Variants in PLEC observed in about 807,000 individuals in gnomAD.
The protein encoded by PLEC is hemidesmosomal protein 1.
A neutral mutation model predicts 392.8 loss-of-function variants in PLEC; 216 were observed. That is an observed-to-expected ratio of 0.55 (90% CI 0.49 to 0.62). The LOEUF (loss-of-function observed/expected upper bound fraction) is 0.62, where lower values mean the gene tolerates loss of function less well. Among genes scored for constraint, PLEC ranks in the 20% least tolerant of loss-of-function variants. The probability of loss-of-function intolerance (pLI) is 0.00; values close to 1 mark genes in which losing one functional copy is unlikely to be tolerated. For missense variants in PLEC, 6,863 were observed against 6,563.4 expected (o/e 1.05, Z -1.58); for synonymous variants, 3,621 against 2,980.6 (o/e 1.21, Z -7.00).
chr8:143,936,316 G>A (rs1396755227), intron 5 of PLEC, among the ~76,000 whole-genome samples: 2 of 152,190 alleles, frequency 1.3e-5, no homozygotes, highest in Admixed American at 6.5e-5. Flanking sequence ...AGCTGGGGAG[G>A]GCTAGGCTGC....
Position 143,916,205 on chromosome 8 carries a change from A to G in PLEC, c.13616T>C (p.Leu4539Pro). The change falls in exon 32 of 32, where the codon CTG (leucine) becomes CCG (proline). Residue 4539 changes from leucine (L) to proline (P), a missense_variant. Leu to Pro is a moderately conservative substitution (Grantham distance 98). Coordinates refer to ENST00000345136, the MANE Select transcript of PLEC (RefSeq NM_201384.3). ...RRYASGSSAS[L>P]GGPESAVA ...GGCCACGGCAGACTCAGGGCCCCCC[A>G]GGGAGGCCGAGGACCCCGAGGCGTA... 1.3e-6 allele frequency: 2 copies of G among 1,543,896 alleles called. No individual in the cohort carries two copies. Among genetic ancestry groups the G allele is most frequent in the Non-Finnish European group, 1.7e-6 (2 of 1,144,560 alleles).
Position 143,921,430 on chromosome 8 carries a change from G to A in PLEC, c.8391C>T (p.Ile2797=), listed in dbSNP as rs200289312. 2.0e-4 allele frequency: 330 copies of A among 1,613,252 alleles called. No individual in the cohort carries two copies. The highest frequency in any genetic ancestry group is 2.8e-4 in the African/African-American group (21 of 74,914). ...SLFQAMQKGL[I]VREHGIRLLE... ...GCAGGCGGATGCCGTGCTCCCGGAC[G>A]ATGAGGCCCTTCTGCATGGCTTGGA... The change falls in exon 32 of 32, where the codon ATC becomes ATT. Residue 2797 remains isoleucine (I), a synonymous_variant. Transcript: ENST00000345136.
In PLEC at chr8:143,920,300, G is replaced by A. The variant is rs1554681328; in HGVS notation, c.9521C>T (p.Pro3174Leu). ...DEETSRALSA[P>L]RADAKAYSDP... ...ACTGTAGGCCTTGGCGTCGGCCCTT[G>A]GTGCCGACAGGGCCCTGCTGGTCTC... is the stretch of plus-strand genomic sequence containing the variant. Residue 3174 changes from proline to leucine, a missense_variant, in exon 32 of 32, where the codon CCA becomes CTA. Pro to Leu is a moderately conservative substitution (Grantham distance 98, BLOSUM62 -3). Transcript: ENST00000345136. The A allele has an allele frequency of 6.3e-7, 1 of 1,590,314 alleles. No individual in the cohort carries two copies. Among genetic ancestry groups the A allele is most frequent in the Non-Finnish European group, 8.5e-7 (1 of 1,174,442 alleles).
Position 143,922,849 on chromosome 8 carries a change from C to T in PLEC, c.7080G>A (p.Glu2360=), listed in dbSNP as rs1823352213. 6.3e-7 allele frequency: 1 copy of T among 1,580,096 alleles called. No homozygotes were observed. Among genetic ancestry groups the T allele is most frequent in the Non-Finnish European group, 8.6e-7 (1 of 1,164,924 alleles). ...CCAGCGTCCGCTGGAAGCCCTGCGT[C>T]TCCTCCGCCAGCTGCTGCGCCATCT... ...KEQMAQQLAE[E]TQGFQRTLEA... is the part of the protein sequence containing the mutation. Residue 2360 remains glutamate, a synonymous_variant, in exon 31 of 32, where the codon GAG becomes GAA. Coordinates refer to ENST00000345136, the MANE Select transcript of PLEC (RefSeq NM_201384.3).
Position 143,923,979 on chromosome 8 carries a change from G to A in PLEC, c.5950C>T (p.Arg1984Cys), listed in dbSNP as rs376591955. The A allele has an allele frequency of 7.7e-5, 122 of 1,583,596 alleles. No individual in the cohort carries two copies. The highest frequency in any genetic ancestry group is 1.9e-4 in the Admixed American group (11 of 58,844). Residue 1984 changes from arginine to cysteine, a missense_variant, in exon 31 of 32, where the codon CGT (arginine) becomes TGT (cysteine). By Grantham distance (180) the Arg-to-Cys change is radical. Coordinates refer to ENST00000345136, the MANE Select transcript of PLEC (RefSeq NM_201384.3). The stretch of plus-strand genomic sequence containing the variant: ...TTCTGCACGCGCTCCTCAGCCTCAC[G>A]GCGCCGCCGCTCCTCCTCCGCCGCC... The part of the protein sequence containing the change: ...QLAAEEERRR[R>C]EAEERVQKSL...
rs1554717917 is a variant in PLEC at position 143,932,702 on chromosome 8, G to A, written c.1748C>T (p.Ser583Phe). 9 of 1,607,064 alleles carry A rather than the reference G, an allele frequency of 5.6e-6. No individual in the cohort carries two copies. Among genetic ancestry groups the A allele is most frequent in the Non-Finnish European group, 6.8e-6 (8 of 1,177,436 alleles). The change falls in exon 15 of 32, where the codon TCC (serine) becomes TTC (phenylalanine). Residue 583 changes from serine to phenylalanine, a missense_variant. Coordinates refer to ENST00000345136, the MANE Select transcript of PLEC (RefSeq NM_201384.3). The stretch of plus-strand genomic sequence containing the variant: ...ACGGTAGGCACCCCGGGTGGCGGGG[G>A]AGAGCTGGCCCTGCAACAGATGAGA... ...ERARSDEGQL[S>F]PATRGAYRDC... is the part of the protein sequence containing the mutation.
rs6983908 is a variant in PLEC, at chr8:143,935,425, A to C, written c.603-112T>G. 303,481 of 752,110 alleles carry C rather than the reference A, an allele frequency of 0.4. 65,018 individuals are homozygous for C. The highest frequency in any genetic ancestry group is 0.63 in the African/African-American group (36,566 of 58,478). 46.6% of individuals were successfully genotyped at this position (752,110 alleles called of 1,614,324 possible). A position where few individuals can be genotyped will look rare whatever the true frequency, so the allele number is the denominator to read the frequency against. ...CATCCCAGCAACCATGGACCCCCCC[A>C]ACACTCACCCTGAAAAATACACTGT... On this transcript the variant is annotated intron_variant, in intron 6 of 31. Transcript: ENST00000345136.
Position 143,929,432 on chromosome 8 carries a change from C to T in PLEC, c.3063G>A (p.Gln1021=). 1 of 1,574,518 alleles carries T rather than the reference C, an allele frequency of 6.4e-7. No homozygotes were observed. Among genetic ancestry groups the T allele is most frequent in the Non-Finnish European group, 8.6e-7 (1 of 1,162,122 alleles). The part of the protein sequence containing the change: ...LDKEPARECA[Q]RIAEQQKAQA... Reference sequence around the variant, plus strand: ...CCCCTGCCTGCTGCTCGGCGATGCGCTGGGCACACTCCCGTGCCGGCTCTT... The same window carrying T: ...CCCCTGCCTGCTGCTCGGCGATGCGTTGGGCACACTCCCGTGCCGGCTCTT... Residue 1021 remains glutamine, a synonymous_variant, in exon 24 of 32, where the codon CAG becomes CAA. Transcript: ENST00000345136.
At position 143,929,776 on chromosome 8, in the gene PLEC, C is replaced by A. The variant is rs377045326; in HGVS notation, c.2793G>T (p.Leu931=). 1.2e-6 allele frequency: 2 copies of A among 1,600,086 alleles called. No individual in the cohort carries two copies. The highest frequency in any genetic ancestry group is 2.7e-5 in the African/African-American group (2 of 75,016). Residue 931 remains leucine (L), a synonymous_variant, in exon 23 of 32, where the codon CTG becomes CTT. Coordinates refer to ENST00000345136, the MANE Select transcript of PLEC (RefSeq NM_201384.3). ...TGTCCCGCAGGAAGGCCTGGTAGTGCAGCTCCAGGCTGTGCAGGGCTTGGC... is the reference window on the plus strand; with the variant it reads ...TGTCCCGCAGGAAGGCCTGGTAGTGAAGCTCCAGGCTGTGCAGGGCTTGGC... ...EQRQALHSLE[L]HYQAFLRDSQ...
chr8:143,959,940 C>T (rs1489936170), intron 1 of PLEC, among the ~76,000 whole-genome samples: 7 of 151,382 alleles, frequency 4.6e-5, no homozygotes, highest in Admixed American at 3.3e-4. Context: ...GATCATGCCA[C>T]TACACTCCAG....
intron 1 of PLEC, among the ~76,000 whole-genome samples, chr8:143,968,529 C>CAAAAAAAAAAAAA (rs57468544): frequency 5.0e-4 from 32 of 63,692 alleles, no homozygotes; most frequent in African/African-American, 1.3e-3. Context: ...AACTCCATCT[C>CAAAAAAAAAAAAA]AAAAAAAAAA....
chr8:143,931,207 T>C (rs918219470), intron 19 of PLEC, among the ~76,000 whole-genome samples: 2 of 152,204 alleles, frequency 1.3e-5, no homozygotes, highest in Non-Finnish European at 2.9e-5. Context: ...ACTCACTCTG[T>C]GGCTATGGAG....
intron 1 of PLEC, chr8:143,945,208 G>A (rs567334781): frequency 3.9e-5 from 19 of 489,196 alleles, no homozygotes; most frequent in Non-Finnish European, 6.6e-5. Flanking sequence ...CCAAAGTCAC[G>A]CGCAGGCCAG....
chr8:143,934,502 G>A (rs1828420592), intron 10 of PLEC, 57 bp from the exon 11 acceptor site: 1 of 1,605,922 alleles, frequency 6.2e-7, no homozygotes, highest in Non-Finnish European at 8.5e-7. Flanking sequence ...GTGGGGCGCT[G>A]GGCCTTCAGA....
intron 1 of PLEC, 110 bp from the exon 2 acceptor site, chr8:143,938,802 C>T (rs1829777945): frequency 1.1e-6 from 1 of 922,926 alleles, no homozygotes; most frequent in South Asian, 1.3e-5. Context: ...GCCTGGGGAG[C>T]CCCAAAGCCT....
intron 30 of PLEC, 116 bp downstream of exon 30, chr8:143,926,667 TG>T: frequency 1.2e-6 from 1 of 863,506 alleles, no homozygotes; most frequent in Non-Finnish European, 2.0e-6. Flanking sequence ...GCAGCGCCAG[TG>T]GGGAGAGTGG....
intron 14 of PLEC, 32 bp from the exon 15 acceptor site, chr8:143,932,744 G>A: frequency 1.2e-6 from 2 of 1,608,366 alleles, no homozygotes; most frequent in Non-Finnish European, 8.5e-7. Context: ...GGTCTGCAGT[G>A]GCTGGGCCCG....
Position 143,946,487 on chromosome 8 carries a change from C to T in PLEC, c.523+3697G>A, listed in dbSNP as rs1001696194. The T allele has an allele frequency of 1.9e-5, 18 of 938,750 alleles. No homozygotes were observed. In the African/African-American group the frequency reaches 2.7e-4, roughly 14 times the overall value. 58.2% of individuals were successfully genotyped at this position (938,750 alleles called of 1,614,324 possible). The stretch of plus-strand genomic sequence containing the variant: ...GTGGGAGGCAGAGGGAGGGCCCACT[C>T]ATGCCCTGGTAGCAGCGGCTCCTCC... On this transcript the variant is annotated intron_variant, in intron 1 of 31. Transcript: ENST00000322810.
Position 143,924,248 on chromosome 8 carries a change from C to G in PLEC, c.5681G>C (p.Arg1894Pro), listed in dbSNP as rs544063859. The G allele has an allele frequency of 6.3e-7, 1 of 1,597,952 alleles. No individual in the cohort carries two copies. The highest frequency in any genetic ancestry group is 1.1e-5 in the South Asian group (1 of 91,010). The change falls in exon 31 of 32, where the codon CGC becomes CCC. Residue 1894 changes from arginine (R) to proline (P), a missense_variant. Physicochemically the swap from Arg to Pro is moderately radical, Grantham distance 103. Coordinates refer to ENST00000345136, the MANE Select transcript of PLEC (RefSeq NM_201384.3). ...CGATGCCTTGCGCAGCTGGGCCAGG[C>G]GCTCCTCGATGTCAGCCTTGTGTTG... ...AAQHKADIEE[R>P]LAQLRKASDS...
Sources: gnomAD v4.1 joint callset for allele counts (sites outside exome capture counted in the v4.1 genomes callset) on GRCh38, gnomAD v4.1.1 for gene constraint, MANE v1.5 for transcripts, NCBI Gene and HGNC (gene_info 2026-07-23, HGNC 2026-07-21) for gene names.